DMD: variants seen among roughly 807,000 people sequenced by gnomAD.
The protein encoded by DMD is dystrophin.
In DMD, 63 loss-of-function variants were observed where a neutral mutation model predicts 330.1. That is an observed-to-expected ratio of 0.19 (90% confidence interval 0.16 to 0.24). The LOEUF (loss-of-function observed/expected upper bound fraction) is 0.24, where lower values mean the gene tolerates loss of function less well. DMD is among the 10% of genes least tolerant of loss of function. The probability of loss-of-function intolerance (pLI) is 1.00; values close to 1 mark genes in which losing one functional copy is unlikely to be tolerated. For synonymous variants in DMD, 1,223 were observed against 959.8 expected, an observed-to-expected ratio of 1.27 and a Z score of -5.07; for missense variants, 3,344 against 2,684.1, an observed-to-expected ratio of 1.25 and a Z score of -5.43.
intron 55 of DMD, among the ~76,000 whole-genome samples, chrX:31,509,491 A>ACAAT (rs58760549): frequency 0.24 from 26,462 of 110,709 alleles, 3,160 homozygotes; most frequent in African/African-American, 0.46. Flanking sequence ...TTGTTCAAGT[A>ACAAT]AAAGTATTCT....
intron 2 of DMD, among the ~76,000 whole-genome samples, chrX:32,974,807 G>A (rs948054673): frequency 9.9e-4 from 110 of 111,453 alleles, no homozygotes; most frequent in Non-Finnish European, 2.1e-4. Context: ...CAAAACATAT[G>A]GTTCACAAAA....
At chrX:32,442,608 A>G (rs747162820) in intron 27 of DMD, among the ~76,000 whole-genome samples, 25 of 110,806 alleles carry the variant, frequency 2.3e-4, no homozygotes, top group African/African-American at 7.5e-4. Context: ...TAAGGTGAAC[A>G]TTCACATACC....
chrX:31,312,796 C>T lies in DMD; in HGVS notation c.9224+10802G>A, dbSNP rs191934531. On this transcript the variant is annotated intron_variant, in intron 62 of 78. Transcript: ENST00000357033. ...GCAGCCATAAAAAGGAATGAGATCACGTCCTTTGCAGGGACATGAAACTGG... is the reference window on the plus strand; with the variant it reads ...GCAGCCATAAAAAGGAATGAGATCATGTCCTTTGCAGGGACATGAAACTGG... Among the ~76,000 whole-genome samples, 1,031 of 111,963 alleles carry T rather than the reference C, an allele frequency of 9.2e-3. 16 individuals are homozygous for T. The highest frequency in any genetic ancestry group is 0.032 in the African/African-American group (999 of 30,817).
intron 7 of DMD, among the ~76,000 whole-genome samples, chrX:32,715,446 C>T (rs1399526509): frequency 2.6e-5 from 2 of 77,440 alleles, no homozygotes; most frequent in Non-Finnish European, 4.5e-5. Flanking sequence ...CACTGCACAT[C>T]AGCCTGGTGA....
chrX:33,162,723 A>C (rs773928744), intron 1 of DMD, among the ~76,000 whole-genome samples: 1 of 110,550 alleles, frequency 9.0e-6, no homozygotes, highest in Non-Finnish European at 1.9e-5. Context: ...ATGTTGAATT[A>C]TCAAAGCCAC....
intron 2 of DMD, among the ~76,000 whole-genome samples, chrX:32,947,031 C>T (rs999010293): frequency 4.5e-5 from 5 of 112,121 alleles, no homozygotes; most frequent in South Asian, 7.4e-4. Context: ...ATTTCGTAAA[C>T]GCAGCTGCTT....
At chrX:31,246,799 G>C (rs1469572000) in intron 63 of DMD, among the ~76,000 whole-genome samples, 1 of 110,934 alleles carries the variant, frequency 9.0e-6, no homozygotes, top group African/African-American at 3.3e-5. Context: ...GGTGGCAGAC[G>C]CCTGTAATCC....
At chrX:32,771,503 T>TACACAC (rs754545800) in intron 7 of DMD, among the ~76,000 whole-genome samples, 24 of 105,793 alleles carry the variant, frequency 2.3e-4, no homozygotes, top group African/African-American at 7.4e-4. Context: ...ATTTTGTTAA[T>TACACAC]ACACACACAC....
At chrX:32,717,140 A>G (rs948473553) in intron 7 of DMD, among the ~76,000 whole-genome samples, 6 of 111,714 alleles carry the variant, frequency 5.4e-5, no homozygotes, top group Admixed American at 9.5e-5. Flanking sequence ...AAATTTGCAT[A>G]AGTAAAAAGG....
intron 60 of DMD, among the ~76,000 whole-genome samples, chrX:31,425,820 A>T (rs1230067633): frequency 9.0e-6 from 1 of 110,864 alleles, no homozygotes; most frequent in Non-Finnish European, 1.9e-5. Context: ...CATGAGGAAA[A>T]AGACAAGAGA....
intron 45 of DMD, among the ~76,000 whole-genome samples, chrX:31,933,949 A>ATGAT (rs1473581416): frequency 1.1e-5 from 1 of 92,826 alleles, no homozygotes; most frequent in East Asian, 3.3e-4. Flanking sequence ...AGTTTTTTGA[A>ATGAT]TGATTAGCTA....
At chrX:33,303,258 C>A (rs2053694856) in intron 1 of DMD, among the ~76,000 whole-genome samples, 1 of 111,588 alleles carries the variant, frequency 9.0e-6, no homozygotes, top group African/African-American at 3.3e-5. Context: ...TAATTTTCAA[C>A]TCCTTTGGTA....
chrX:32,826,073 G>A (rs892227482), intron 4 of DMD, among the ~76,000 whole-genome samples: 1 of 111,338 alleles, frequency 9.0e-6, no homozygotes, highest in African/African-American at 3.3e-5. Flanking sequence ...ACAAACCAAC[G>A]GCCAGCACAT....
At chrX:33,190,412 A>G (rs1275310267) in intron 1 of DMD, among the ~76,000 whole-genome samples, 1 of 99,748 alleles carries the variant, frequency 1.0e-5, no homozygotes, top group African/African-American at 3.5e-5. Flanking sequence ...ATAAGTTTAG[A>G]TTACATACCT....
At chrX:31,759,648 ATAAT>A (rs777865196) in intron 51 of DMD, among the ~76,000 whole-genome samples, 7 of 112,093 alleles carry the variant, frequency 6.2e-5, no homozygotes, top group East Asian at 2.8e-4. Flanking sequence ...GCAGATTTTA[ATAAT>A]TAATCAATAT....
chrX:32,506,591 T>C (rs2044652089), intron 18 of DMD, among the ~76,000 whole-genome samples: 1 of 111,749 alleles, frequency 8.9e-6, no homozygotes, highest in African/African-American at 3.2e-5. Context: ...AGCTGAAAGA[T>C]ACACATTTTA....
intron 7 of DMD, among the ~76,000 whole-genome samples, chrX:32,798,292 A>G (rs754865352): frequency 1.8e-5 from 2 of 110,837 alleles, no homozygotes; most frequent in Non-Finnish European, 1.9e-5. Flanking sequence ...GCTTTCATTT[A>G]TTAGTGACTG....
intron 23 of DMD, among the ~76,000 whole-genome samples, chrX:32,466,807 C>G (rs1000652449): frequency 8.9e-6 from 1 of 111,828 alleles, no homozygotes; most frequent in Non-Finnish European, 1.9e-5. Context: ...AAAACAGACT[C>G]TGTCGCAAAG....
chrX:32,644,433 A>G (rs768859768), intron 10 of DMD, 120 bp from the exon 11 acceptor site: 83 of 775,920 alleles, frequency 1.1e-4, no homozygotes, highest in South Asian at 6.3e-4. Flanking sequence ...TCCCAGTAAA[A>G]GGAATTTAAT....
Sources: gnomAD v4.1 joint callset for allele counts (sites outside exome capture counted in the v4.1 genomes callset) on GRCh38, gnomAD v4.1.1 for gene constraint, MANE v1.5 for transcripts, NCBI Gene and HGNC (gene_info 2026-07-23, HGNC 2026-07-21) for gene names.